Variants in CARHSP1 observed in about 807,000 individuals in gnomAD.
CARHSP1 encodes the protein calcium-regulated heat-stable protein 1.
In CARHSP1, 14 loss-of-function variants were observed where a neutral mutation model predicts 12.5. That is an observed-to-expected ratio of 1.12 (90% CI 0.74 to 1.75). The LOEUF is 1.75. CARHSP1 is among the 40% of genes most tolerant of loss of function. The probability of loss-of-function intolerance (pLI) is 0.00; values close to 1 mark genes in which losing one functional copy is unlikely to be tolerated. For synonymous variants in CARHSP1, 161 were observed against 82.0 expected, an observed-to-expected ratio of 1.96 and a Z score of -5.20; for missense variants, 343 against 201.6, an observed-to-expected ratio of 1.70 and a Z score of -4.25.
intron 3 of CARHSP1, among the ~76,000 whole-genome samples, chr16:8,857,155 C>G (rs558553240): frequency 6.6e-6 from 1 of 152,022 alleles, no homozygotes; most frequent in African/African-American, 2.4e-5. Context: ...CTGCTGCTCA[C>G]ACACATGCAC....
chr16:8,856,373 C>G (rs2061107873), intron 3 of CARHSP1, among the ~76,000 whole-genome samples: 2 of 152,212 alleles, frequency 1.3e-5, no homozygotes, highest in African/African-American at 2.4e-5. Flanking sequence ...GTGTTTCCCT[C>G]TTTGATCTGG....
Position 8,855,258 on chromosome 16 carries a change from TTGGG to T in CARHSP1, c.346_349del (p.Pro116ArgfsTer110), listed in dbSNP as rs2061060793. 5 of 1,613,282 alleles carry T rather than the reference TTGGG, an allele frequency of 3.1e-6. No homozygotes were observed. In the African/African-American group the frequency reaches 6.7e-5, roughly 22 times the overall value. ...CTCCACGGCCTGCAGCTTCTCATTCTTGGGTGGGATGGAGCACATTTTATAGGTG... is the reference window on the plus strand; with the variant it reads ...CTCCACGGCCTGCAGCTTCTCATTCTTGGGATGGAGCACATTTTATAGGTG... On this transcript the variant is annotated frameshift_variant, in exon 4 of 4. Coordinates refer to ENST00000311052, the MANE Select transcript of CARHSP1 (RefSeq NM_014316.4). LOFTEE classifies it high-confidence loss of function.
At chr16:8,858,565 G>T in intron 2 of CARHSP1, 93 bp from the exon 3 acceptor site, 1 of 1,500,708 alleles carries the variant, frequency 6.7e-7, no homozygotes, top group East Asian at 2.3e-5. Context: ...GCCCCATCAA[G>T]CCCTGGCCAG....
At chr16:8,858,904 T>C (rs1567183675) in intron 2 of CARHSP1, 2 of 262,054 alleles carry the variant, frequency 7.6e-6, no homozygotes, top group East Asian at 7.4e-5. Flanking sequence ...CAGACTCTCA[T>C]GTGTGGTTAA....
intron 1 of CARHSP1, among the ~76,000 whole-genome samples, chr16:8,864,311 C>T (rs1335724112): frequency 1.4e-5 from 2 of 145,714 alleles, no homozygotes; most frequent in Non-Finnish European, 3.1e-5. Context: ...AGCCTCACCT[C>T]ACCGCACAGC....
rs201523233 is a variant in CARHSP1 at position 8,855,292 on chromosome 16, C to T, written c.316G>A (p.Glu106Lys). ...ATGGAGCACATTTTATAGGTGACCT[C>T]GTCGCCTTCCACTGGGACATACTCC... The part of the protein sequence containing the change: ...EGEYVPVEGD[E>K]VTYKMCSIPP... Residue 106 changes from glutamate to lysine, a missense_variant, in exon 4 of 4, where the codon GAG becomes AAG. Transcript: ENST00000311052. 61 of 1,609,716 alleles carry T rather than the reference C, an allele frequency of 3.8e-5. No individual in the cohort carries two copies. In the East Asian group the frequency reaches 3.8e-4, roughly 10 times the overall value.
In CARHSP1 at chr16:8,854,080, T is replaced by C. The variant is rs528465803; in HGVS notation, c.*1084A>G. The C allele has an allele frequency of 6.6e-6, 1 of 151,614 alleles. No individual in the cohort carries two copies. The highest frequency in any genetic ancestry group is 1.9e-4 in the East Asian group (1 of 5,136). The allele number at this position is 151,614 out of a possible 1,614,324, so 9.4% of individuals were successfully genotyped here. ...GCCTGGGTGACAGAATGAGACTCAGTCTCCCACCCTGCCAAAAAGTTTGCA... is the reference window on the plus strand; with the variant it reads ...GCCTGGGTGACAGAATGAGACTCAGCCTCCCACCCTGCCAAAAAGTTTGCA... On this transcript the variant is annotated 3_prime_UTR_variant, in exon 4 of 4. Coordinates refer to ENST00000311052, the MANE Select transcript of CARHSP1 (RefSeq NM_014316.4).
chr16:8,864,353 T>C (rs1005936711), intron 1 of CARHSP1, among the ~76,000 whole-genome samples: 1 of 152,278 alleles, frequency 6.6e-6, no homozygotes, highest in South Asian at 2.1e-4. Context: ...ACAGGGGACC[T>C]TGATGAACTC....
chr16:8,856,700 G>A (rs530943586), intron 3 of CARHSP1, among the ~76,000 whole-genome samples: 21 of 152,284 alleles, frequency 1.4e-4, no homozygotes, highest in African/African-American at 1.9e-4. Flanking sequence ...CCGTGTTAGC[G>A]GGTATGCTGT....
chr16:8,861,910 CCA>C (rs771557840), intron 1 of CARHSP1: 93 of 760,722 alleles, frequency 1.2e-4, no homozygotes, highest in Non-Finnish European at 1.4e-4. Context: ...CCTCGCAACT[CCA>C]CAGTTAGAGA....
chr16:8,868,812 G>A (rs952583669), intron 1 of CARHSP1, 154 bp downstream of exon 1: 12 of 152,158 alleles, frequency 7.9e-5, no homozygotes, highest in Admixed American at 5.2e-4. Context: ...AACAGGCCCC[G>A]AGAAACCCAG....
chr16:8,861,989 C>CTTTTTTTTTTTTTTTTTTTTT (rs537614451), intron 1 of CARHSP1, among the ~76,000 whole-genome samples: 11 of 79,804 alleles, frequency 1.4e-4, no homozygotes, highest in Non-Finnish European at 1.5e-4. Context: ...GCATAGCTGA[C>CTTTTTTTTTTTTTTTTTTTTT]TTTTTTTTTT....
intron 1 of CARHSP1, chr16:8,867,977 CA>C (rs1344101140): frequency 1.3e-5 from 2 of 152,292 alleles, no homozygotes; most frequent in African/African-American, 4.8e-5. Flanking sequence ...CAGCAAATGA[CA>C]GGGGCAAGCA....
chr16:8,854,583 C>T lies in CARHSP1; in HGVS notation c.*581G>A, dbSNP rs1330557588. The T allele has an allele frequency of 6.5e-6, 1 of 152,904 alleles. No individual in the cohort carries two copies. Among genetic ancestry groups the T allele is most frequent in the Non-Finnish European group, 1.5e-5 (1 of 68,248 alleles). The allele number at this position is 152,904 out of a possible 1,614,324, so 9.5% of individuals were successfully genotyped here. A position where few individuals can be genotyped will look rare whatever the true frequency, so the allele number is the denominator to read the frequency against. On this transcript the variant is annotated 3_prime_UTR_variant, in exon 4 of 4. Transcript: ENST00000311052. ...AAAGGCACCAAAAGGCAACATCCGTCCAATCCAAAGACCGCCACCCCCGCC... is the reference window on the plus strand; with the variant it reads ...AAAGGCACCAAAAGGCAACATCCGTTCAATCCAAAGACCGCCACCCCCGCC...
chr16:8,856,986 C>T (rs2141078732), intron 3 of CARHSP1, among the ~76,000 whole-genome samples: 2 of 152,290 alleles, frequency 1.3e-5, no homozygotes, highest in Middle Eastern at 6.8e-3. Context: ...AAACTTCCTT[C>T]CTGGAGCAAA....
chr16:8,856,900 C>T (rs990199704), intron 3 of CARHSP1, among the ~76,000 whole-genome samples: 2 of 152,146 alleles, frequency 1.3e-5, no homozygotes, highest in Admixed American at 6.5e-5. Flanking sequence ...CGCCCCACCC[C>T]CGGCTCCCCA....
At chr16:8,863,975 C>T (rs1163637296) in intron 1 of CARHSP1, among the ~76,000 whole-genome samples, 8 of 152,318 alleles carry the variant, frequency 5.3e-5, no homozygotes, top group Middle Eastern at 6.8e-3. Context: ...AGGGCCTGCC[C>T]TCTGTGACTA....
chr16:8,859,147 G>T (rs201732027), intron 2 of CARHSP1, 24 bp downstream of exon 2: 17 of 1,564,804 alleles, frequency 1.1e-5, no homozygotes, highest in Non-Finnish European at 1.3e-5. Context: ...CTGAGAACGC[G>T]TCCCCAGCCT....
intron 3 of CARHSP1, among the ~76,000 whole-genome samples, chr16:8,856,706 G>A (rs1264863225): frequency 6.6e-6 from 1 of 152,204 alleles, no homozygotes; most frequent in East Asian, 1.9e-4. Context: ...TAGCGGGTAT[G>A]CTGTGCAGAG....
Sources: allele counts gnomAD v4.1 joint callset (sites outside exome capture counted in the v4.1 genomes callset), GRCh38; gene constraint gnomAD v4.1.1; transcripts MANE v1.5; gene names NCBI Gene and HGNC (gene_info 2026-07-23, HGNC 2026-07-21).